The following CTTNBP2 variants were observed in gnomAD, a reference collection of about 807,000 sequenced individuals.
CTTNBP2 encodes the protein cortactin-binding protein 2.
In CTTNBP2, 108 loss-of-function variants were observed where a neutral mutation model predicts 156.9. That is an observed-to-expected ratio of 0.69 (90% CI 0.59 to 0.81). The LOEUF (loss-of-function observed/expected upper bound fraction) is 0.81. Among genes scored for constraint, CTTNBP2 ranks in the 30% least tolerant of loss-of-function variants. The pLI is 0.00. For missense variants in CTTNBP2, 1,924 were observed against 2,035.4 expected, an observed-to-expected ratio of 0.95 and a Z score of 1.05; for synonymous variants, 767 against 751.8, an observed-to-expected ratio of 1.02 and a Z score of -0.33.
chr7:117,723,949 C>T (rs915257507), intron 19 of CTTNBP2, among the ~76,000 whole-genome samples: 1 of 151,956 alleles, frequency 6.6e-6, no homozygotes, highest in Non-Finnish European at 1.5e-5. Flanking sequence ...TACAGGGTTT[C>T]GCCTTCCTGA....
At chr7:117,803,546 T>A (rs1377803825) in intron 3 of CTTNBP2, among the ~76,000 whole-genome samples, 4 of 152,164 alleles carry the variant, frequency 2.6e-5, no homozygotes, top group African/African-American at 9.7e-5. Context: ...CGAAATTATT[T>A]TTTAAAAAGC....
intron 14 of CTTNBP2, among the ~76,000 whole-genome samples, chr7:117,742,744 T>C (rs967788888): frequency 2.0e-5 from 3 of 152,206 alleles, no homozygotes; most frequent in Admixed American, 1.3e-4. Context: ...TGGGGTTCCA[T>C]GTGGTTCTCA....
At chr7:117,714,869 GGCAGCGGAGTTTAGGA>G (rs1042057771) in intron 22 of CTTNBP2, among the ~76,000 whole-genome samples, 2 of 152,204 alleles carry the variant, frequency 1.3e-5, no homozygotes, top group Non-Finnish European at 2.9e-5. Context: ...AAGCCTAGGG[GGCAGCGGAGTTTAGGA>G]GCAGGAGAGT....
In CTTNBP2 at chr7:117,867,491, AC is replaced by A. The variant is rs534654244; in HGVS notation, c.81+5843del. 7.4e-3 allele frequency among the ~76,000 whole-genome samples: 1,129 copies of A among 152,230 alleles called. 7 individuals carry two copies. Among genetic ancestry groups the A allele is most frequent in the Non-Finnish European group, 0.012 (812 of 68,022 alleles). ...TCTCACTCCTACTAGATGTGTCAGGACAGTAAGAACATTACTTCTTCACTTA... is the reference window on the plus strand; with the variant it reads ...TCTCACTCCTACTAGATGTGTCAGGAAGTAAGAACATTACTTCTTCACTTA... On this transcript the variant is annotated intron_variant, in intron 1 of 22. Transcript: ENST00000160373.
Position 117,810,751 on chromosome 7 carries a change from G to C in CTTNBP2, c.414+14C>G. On this transcript the variant is annotated intron_variant, in intron 3 of 22. Transcript: ENST00000160373. ...CATGTTGTGGGGAAAATGACCATTT[G>C]AACGCCTCAATACCTTCTTTTGTCT... is the stretch of plus-strand genomic sequence containing the variant. The C allele has an allele frequency of 6.2e-7, 1 of 1,606,562 alleles. No homozygotes were observed. The highest frequency in any genetic ancestry group is 8.5e-7 in the Non-Finnish European group (1 of 1,174,672).
chr7:117,711,064 T>A lies in CTTNBP2; in HGVS notation c.*473A>T, dbSNP rs1417299387. On this transcript the variant is annotated 3_prime_UTR_variant, in exon 23 of 23. Coordinates refer to ENST00000160373, the MANE Select transcript of CTTNBP2 (RefSeq NM_033427.3). ...ATGATTTGTTATTGCCCCATTCTAG[T>A]CATTCCCCATCAAGTGAACATAAAA... 1.3e-5 allele frequency: 2 copies of A among 153,220 alleles called. No individual in the cohort carries two copies. Among genetic ancestry groups the A allele is most frequent in the African/African-American group, 4.8e-5 (2 of 41,450 alleles). 9.5% of individuals were successfully genotyped at this position (153,220 alleles called of 1,614,324 possible).
Position 117,760,499 on chromosome 7 carries a change from A to C in CTTNBP2, c.3108T>G (p.Thr1036=). The stretch of plus-strand genomic sequence containing the variant: ...TGTTGGAATCAGTGGTGTTATTGCA[A>C]GTCACGTCTTCCAGACTCCACCATC... The part of the protein sequence containing the change: ...SDGWWSLEDV[T]CNNTTDSNIG... The change falls in exon 10 of 23, where the codon ACT becomes ACG. Residue 1036 remains threonine, a synonymous_variant. Coordinates refer to ENST00000160373, the MANE Select transcript of CTTNBP2 (RefSeq NM_033427.3). 6.2e-7 allele frequency: 1 copy of C among 1,614,170 alleles called. No individual in the cohort carries two copies. The highest frequency in any genetic ancestry group is 8.5e-7 in the Non-Finnish European group (1 of 1,179,994).
At chr7:117,835,785 C>T (rs1330393419) in intron 2 of CTTNBP2, among the ~76,000 whole-genome samples, 2 of 152,154 alleles carry the variant, frequency 1.3e-5, no homozygotes, top group Non-Finnish European at 1.5e-5. Context: ...ATAATTCAGT[C>T]CACAACGGGG....
At chr7:117,832,877 G>A (rs1337585036) in intron 2 of CTTNBP2, among the ~76,000 whole-genome samples, 1 of 151,066 alleles carries the variant, frequency 6.6e-6, no homozygotes, top group East Asian at 2.0e-4. Context: ...CTCCTGAGTA[G>A]ATGAGATTAC....
rs1297311573 is a variant in CTTNBP2, at chr7:117,873,396, C to T, written c.20G>A (p.Ser7Asn). 6.7e-7 allele frequency: 1 copy of T among 1,491,766 alleles called. No homozygotes were observed. Among genetic ancestry groups the T allele is most frequent in the Non-Finnish European group, 8.9e-7 (1 of 1,127,630 alleles). 92.4% of individuals were successfully genotyped at this position (1,491,766 alleles called of 1,614,324 possible). MATDGA[S>N]CEPDLSRAPE... The stretch of plus-strand genomic sequence containing the variant: ...GGCCCGGGACAAGTCGGGCTCGCAG[C>T]TCGCGCCGTCCGTCGCCATCTTCCT... The change falls in exon 1 of 23, where the codon AGC (serine) becomes AAC (asparagine). Residue 7 changes from serine (S) to asparagine (N), a missense_variant. Coordinates refer to ENST00000160373, the MANE Select transcript of CTTNBP2 (RefSeq NM_033427.3).
intron 2 of CTTNBP2, among the ~76,000 whole-genome samples, chr7:117,850,629 A>G (rs2117188803): frequency 6.6e-6 from 1 of 152,224 alleles, no homozygotes; most frequent in East Asian, 1.9e-4. Flanking sequence ...AAACATGGTT[A>G]TTTTTATTTT....
chr7:117,853,223 T>G (rs942304095), intron 2 of CTTNBP2, among the ~76,000 whole-genome samples: 3 of 152,166 alleles, frequency 2.0e-5, no homozygotes, highest in African/African-American at 7.2e-5. Context: ...ATGGGATGGA[T>G]GGAGGTGGCT....
intron 22 of CTTNBP2, chr7:117,715,632 A>G (rs1327147255): frequency 1.3e-5 from 2 of 152,188 alleles, no homozygotes; most frequent in East Asian, 3.8e-4. Flanking sequence ...TTTGTTTTTA[A>G]TTCAGAAGGC....
At chr7:117,727,326 G>T (rs752305520) in intron 17 of CTTNBP2, among the ~76,000 whole-genome samples, 34 of 152,032 alleles carry the variant, frequency 2.2e-4, no homozygotes, top group Non-Finnish European at 4.1e-4. Flanking sequence ...CAACTCAATA[G>T]CTGGGACTAC....
chr7:117,831,243 C>T (rs1489471603), intron 2 of CTTNBP2, among the ~76,000 whole-genome samples: 2 of 152,140 alleles, frequency 1.3e-5, no homozygotes, highest in Non-Finnish European at 2.9e-5. Context: ...CATTAGAACT[C>T]CCTGACACCT....
At chr7:117,835,352 T>C (rs2117100272) in intron 2 of CTTNBP2, among the ~76,000 whole-genome samples, 1 of 152,356 alleles carries the variant, frequency 6.6e-6, no homozygotes, top group South Asian at 2.1e-4. Flanking sequence ...CTGTATGTAG[T>C]GAACTGTGAC....
At chr7:117,808,287 TA>T (rs889942902) in intron 3 of CTTNBP2, among the ~76,000 whole-genome samples, 135 of 143,722 alleles carry the variant, frequency 9.4e-4, no homozygotes, top group South Asian at 8.7e-4. Flanking sequence ...TAGACAAGAT[TA>T]AAAAAAAAAA....
chr7:117,810,791 C>T lies in CTTNBP2; in HGVS notation c.388G>A (p.Ala130Thr). The part of the protein sequence containing the change: ...KMQERMSAQL[A>T]AAESRQKKLE... Reference sequence around the variant, plus strand: ...TTCTTTTGTCTGCTCTCAGCAGCAGCCAGCTGTGCGGACATCCTTTCTTGC... The same window carrying T: ...TTCTTTTGTCTGCTCTCAGCAGCAGTCAGCTGTGCGGACATCCTTTCTTGC... Residue 130 changes from alanine to threonine, a missense_variant, in exon 3 of 23, where the codon GCT becomes ACT. Physicochemically the swap from Ala to Thr is moderately conservative, Grantham distance 58 (BLOSUM62 0). Transcript: ENST00000160373. 6.2e-7 allele frequency: 1 copy of T among 1,613,462 alleles called. No individual in the cohort carries two copies. The highest frequency in any genetic ancestry group is 2.2e-5 in the East Asian group (1 of 44,882).
rs759922886 is a variant in CTTNBP2, at chr7:117,742,366, A to G, written c.3535+3465T>C. 2.4e-4 allele frequency among the ~76,000 whole-genome samples: 37 copies of G among 152,354 alleles called. 1 individual carries two copies. The highest frequency in any genetic ancestry group is 1.1e-3 in the Admixed American group (17 of 15,302). ...AGGATACATAAGGAAGAAACATCCT[A>G]TTCTGCTGGAGCATGGGTATCTATG... is the stretch of plus-strand genomic sequence containing the variant. On this transcript the variant is annotated intron_variant, in intron 14 of 22. Transcript: ENST00000160373.
Sources: gnomAD v4.1 joint callset for allele counts (sites outside exome capture counted in the v4.1 genomes callset) on GRCh38, gnomAD v4.1.1 for gene constraint, MANE v1.5 for transcripts, NCBI Gene and HGNC (gene_info 2026-07-23, HGNC 2026-07-21) for gene names.